The following ANOS1 variants were observed in gnomAD, a reference collection of about 807,000 sequenced individuals.
ANOS1 encodes anosmin 1.
A neutral mutation model predicts 59.0 loss-of-function variants in ANOS1; 6 were observed. The ratio of observed to expected loss-of-function variants is 0.10; its 90% CI spans 0.06 to 0.20. The LOEUF (loss-of-function observed/expected upper bound fraction) is 0.20, where lower values mean the gene tolerates loss of function less well. ANOS1 is among the 10% of genes least tolerant of loss of function. The probability of loss-of-function intolerance (pLI) is 1.00; values close to 1 mark genes in which losing one functional copy is unlikely to be tolerated. For synonymous variants in ANOS1, 217 were observed against 223.4 expected, an observed-to-expected ratio of 0.97 and a Z score of 0.25; for missense variants, 433 against 542.3, an observed-to-expected ratio of 0.80 and a Z score of 2.00.
In ANOS1 at chrX:8,633,765, T is replaced by C. The variant is rs886343114; in HGVS notation, c.256-10095A>G. Among the ~76,000 whole-genome samples the C allele has an allele frequency of 5.4e-5, 6 of 111,819 alleles. No homozygotes were observed. The Admixed American group carries it at 5.7e-4, about 11-fold the overall frequency. On this transcript the variant is annotated intron_variant, in intron 2 of 13. Coordinates refer to ENST00000262648, the MANE Select transcript of ANOS1 (RefSeq NM_000216.4). ...ACAGAGGCAGGATTCCTGCCCATTA[T>C]AGAGAACCTGAATCTAACCAAGAGG...
chrX:8,561,029 G>A (rs1426878293), intron 8 of ANOS1, among the ~76,000 whole-genome samples: 1 of 111,932 alleles, frequency 8.9e-6, no homozygotes, highest in African/African-American at 3.2e-5. Flanking sequence ...GCATTCTTGG[G>A]CAGGTGAGAG....
chrX:8,698,453 G>A (rs762432562), intron 2 of ANOS1, among the ~76,000 whole-genome samples: 1 of 111,972 alleles, frequency 8.9e-6, no homozygotes, highest in African/African-American at 3.2e-5. Flanking sequence ...CGATTAATAC[G>A]ACACTGCACA....
intron 1 of ANOS1, among the ~76,000 whole-genome samples, chrX:8,704,128 A>G (rs1932769756): frequency 1.8e-5 from 2 of 111,499 alleles, no homozygotes; most frequent in Admixed American, 1.9e-4. Context: ...CATTTAAGAC[A>G]TGGCTTTGCT....
intron 8 of ANOS1, chrX:8,565,812 T>C (rs1444280026): frequency 7.8e-6 from 1 of 128,700 alleles, no homozygotes; most frequent in East Asian, 2.8e-4. Context: ...GAGCTTGTGT[T>C]TGAACGTTTT....
intron 2 of ANOS1, among the ~76,000 whole-genome samples, chrX:8,653,958 T>A (rs916116301): frequency 8.9e-6 from 1 of 112,199 alleles, no homozygotes; most frequent in African/African-American, 3.2e-5. Context: ...TGATGCCACA[T>A]TTGAGGGATT....
intron 3 of ANOS1, among the ~76,000 whole-genome samples, chrX:8,599,483 G>A (rs184084053): frequency 1.5e-3 from 169 of 111,497 alleles, no homozygotes; most frequent in African/African-American, 4.7e-3. Flanking sequence ...GGGAACACTC[G>A]CCTGTGTGCT....
chrX:8,687,283 G>A (rs929748653), intron 2 of ANOS1, among the ~76,000 whole-genome samples: 10 of 110,868 alleles, frequency 9.0e-5, no homozygotes, highest in African/African-American at 3.0e-4. Context: ...ACCAGGATAC[G>A]ATGAGTTTCA....
At chrX:8,544,699 T>C (rs1182082827) in intron 9 of ANOS1, among the ~76,000 whole-genome samples, 1 of 110,954 alleles carries the variant, frequency 9.0e-6, no homozygotes, top group East Asian at 2.8e-4. Flanking sequence ...AAGGATCACC[T>C]GAGGCCAGGA....
chrX:8,556,876 C>A (rs1174748490), intron 8 of ANOS1, among the ~76,000 whole-genome samples: 2 of 111,693 alleles, frequency 1.8e-5, no homozygotes, highest in Non-Finnish European at 3.8e-5. Context: ...CCAAGACAAT[C>A]CTAAGCAAAA....
At chrX:8,591,724 T>G (rs1930623348) in intron 4 of ANOS1, among the ~76,000 whole-genome samples, 1 of 112,382 alleles carries the variant, frequency 8.9e-6, no homozygotes, top group Non-Finnish European at 1.9e-5. Context: ...ACTGTAATTG[T>G]GTGCAGATGG....
At chrX:8,536,187 G>GTTTTTTTTTTT (rs1569252182) in intron 11 of ANOS1, among the ~76,000 whole-genome samples, 2 of 32,001 alleles carry the variant, frequency 6.2e-5, no homozygotes, top group Non-Finnish European at 1.4e-4. Context: ...TAAATCCGAA[G>GTTTTTTTTTTT]CTTTTTTTTT....
Position 8,585,242 on chromosome X carries a change from G to T in ANOS1, c.856+25C>A, listed in dbSNP as rs372885365. ...CCTGGTAGCAAGGATAGTATTCTGT[G>T]TCTGGGAAGAAAAGGAAGACTGACC... On this transcript the variant is annotated intron_variant, in intron 6 of 13. Coordinates refer to ENST00000262648, the MANE Select transcript of ANOS1 (RefSeq NM_000216.4). 57 of 1,203,125 alleles carry T rather than the reference G, an allele frequency of 4.7e-5. No individual in the cohort carries two copies. In the African/African-American group the frequency reaches 7.7e-4, roughly 16 times the overall value.
chrX:8,602,107 G>A lies in ANOS1; in HGVS notation c.319-4851C>T, dbSNP rs777283149. On this transcript the variant is annotated intron_variant, in intron 3 of 13. Transcript: ENST00000262648. ...GCTTTATTTAACTGTTCTATTAAAG[G>A]CAGATTTATCAAAGGGAGGTTTTGA... Among the ~76,000 whole-genome samples the A allele has an allele frequency of 3.4e-3, 378 of 112,193 alleles. 5 individuals are homozygous for A. The highest frequency in any genetic ancestry group is 0.012 in the African/African-American group (361 of 30,933).
At chrX:8,666,746 C>G (rs772413293) in intron 2 of ANOS1, among the ~76,000 whole-genome samples, 1 of 112,134 alleles carries the variant, frequency 8.9e-6, no homozygotes, top group Admixed American at 9.5e-5. Flanking sequence ...ACTGTGGCGT[C>G]CATCCAAAAT....
At chrX:8,720,098 C>T (rs886791269) in intron 1 of ANOS1, among the ~76,000 whole-genome samples, 1 of 111,186 alleles carries the variant, frequency 9.0e-6, no homozygotes, top group African/African-American at 3.3e-5. Flanking sequence ...GCAGAGATGC[C>T]GGAAAGAATT....
At chrX:8,717,166 A>T (rs1273008692) in intron 1 of ANOS1, among the ~76,000 whole-genome samples, 1 of 112,208 alleles carries the variant, frequency 8.9e-6, no homozygotes, top group Non-Finnish European at 1.9e-5. Flanking sequence ...ATATATGGAA[A>T]TTAAATTCTA....
At chrX:8,635,247 G>A (rs1931553686) in intron 2 of ANOS1, among the ~76,000 whole-genome samples, 1 of 111,087 alleles carries the variant, frequency 9.0e-6, no homozygotes, top group South Asian at 3.7e-4. Flanking sequence ...ATCCAAGCAC[G>A]ATGTTCCTCA....
In ANOS1 at chrX:8,530,633, T is replaced by C. The variant is rs1385839466; in HGVS notation, c.*2362A>G. 1 of 110,087 alleles carries C rather than the reference T, an allele frequency of 9.1e-6. No homozygotes were observed. The highest frequency in any genetic ancestry group is 1.9e-5 in the Non-Finnish European group (1 of 52,728). The allele number at this position is 110,087 out of a possible 1,213,427, so 9.1% of individuals were successfully genotyped here. ...GATTTTTTTAAGGGAGATGTAAGCT[T>C]CAGAATCACCATCTGAACTAAAAAT... On this transcript the variant is annotated 3_prime_UTR_variant, in exon 14 of 14. Transcript: ENST00000262648.
chrX:8,564,330 T>C (rs147412972), intron 8 of ANOS1, among the ~76,000 whole-genome samples: 9 of 111,202 alleles, frequency 8.1e-5, no homozygotes, highest in East Asian at 5.6e-4. Flanking sequence ...GAAAAATAGA[T>C]TGCAGAAACT....
Sources: allele counts gnomAD v4.1 joint callset (sites outside exome capture counted in the v4.1 genomes callset), GRCh38; gene constraint gnomAD v4.1.1; transcripts MANE v1.5; gene names NCBI Gene and HGNC (gene_info 2026-07-23, HGNC 2026-07-21).